The following FNDC3A variants were observed in gnomAD, a reference collection of about 807,000 sequenced individuals.
The protein encoded by FNDC3A is fibronectin type-III domain-containing protein 3A.
Under a neutral mutation model 148.9 loss-of-function variants are expected in FNDC3A, and 32 were observed. The ratio of observed to expected loss-of-function variants is 0.21; its 90% CI spans 0.16 to 0.29. The LOEUF is 0.29. FNDC3A is among the 10% of genes least tolerant of loss of function. The pLI is 1.00. For missense variants in FNDC3A, 1,191 were observed against 1,452.8 expected (o/e 0.82, Z 2.93); for synonymous variants, 472 against 473.6 (o/e 1.00, Z 0.04).
intron 1 of FNDC3A, among the ~76,000 whole-genome samples, chr13:49,001,177 A>G (rs1328567799): frequency 6.6e-6 from 1 of 152,242 alleles, no homozygotes; most frequent in Non-Finnish European, 1.5e-5. Flanking sequence ...CCAAATTAAT[A>G]CTTTTATAAT....
intron 8 of FNDC3A, among the ~76,000 whole-genome samples, chr13:49,166,058 A>C (rs1288107545): frequency 1.3e-5 from 2 of 152,152 alleles, no homozygotes; most frequent in East Asian, 3.9e-4. Flanking sequence ...TGTAGGTGCT[A>C]ACTGTGTTGG....
chr13:48,985,920 C>A (rs1355164592), intron 1 of FNDC3A, among the ~76,000 whole-genome samples: 1 of 152,188 alleles, frequency 6.6e-6, no homozygotes, highest in African/African-American at 2.4e-5. Context: ...ATGATTGGTC[C>A]TGATTAGGAC....
chr13:49,178,767 C>T, intron 14 of FNDC3A, 113 bp downstream of exon 14: 1 of 599,594 alleles, frequency 1.7e-6, no homozygotes, highest in Non-Finnish European at 2.8e-6. Context: ...CGGGCTCTTA[C>T]TCTGTCACCC....
At chr13:49,085,626 G>T (rs1194380242) in intron 3 of FNDC3A, among the ~76,000 whole-genome samples, 2 of 152,136 alleles carry the variant, frequency 1.3e-5, no homozygotes, top group Non-Finnish European at 2.9e-5. Flanking sequence ...TACTATAACA[G>T]TAGGCATGAG....
intron 1 of FNDC3A, among the ~76,000 whole-genome samples, chr13:48,988,844 C>CAA (rs111401139): frequency 3.6e-5 from 3 of 83,522 alleles, no homozygotes; most frequent in Admixed American, 1.3e-4. Context: ...GAACTTGTCT[C>CAA]AAAAAAAAAA....
At chr13:49,002,964 A>T (rs192376982) in intron 1 of FNDC3A, among the ~76,000 whole-genome samples, 1 of 152,298 alleles carries the variant, frequency 6.6e-6, no homozygotes, top group Non-Finnish European at 1.5e-5. Context: ...GATAATGTCA[A>T]ACTTTTCCTA....
Position 49,045,714 on chromosome 13 carries a change from T to A in FNDC3A, c.100-29575T>A, listed in dbSNP as rs74075847. 2.9e-3 allele frequency: 3,343 copies of A among 1,151,574 alleles called. 89 individuals carry two copies. In the African/African-American group the frequency reaches 0.05, roughly 17 times the overall value. The allele number at this position is 1,151,574 out of a possible 1,614,324, so 71.3% of individuals were successfully genotyped here. A position where few individuals can be genotyped will look rare whatever the true frequency, so the allele number is the denominator to read the frequency against. On this transcript the variant is annotated intron_variant, in intron 2 of 25. Coordinates refer to ENST00000492622, the MANE Select transcript of FNDC3A (RefSeq NM_001079673.2). ...TTTGCCACCAATAGCTTGGACCTCTTGATTTTCAAAAACCCTGTCAGGATG... is the reference window on the plus strand; with the variant it reads ...TTTGCCACCAATAGCTTGGACCTCTAGATTTTCAAAAACCCTGTCAGGATG...
At chr13:49,079,634 C>T (rs1250333862) in intron 3 of FNDC3A, among the ~76,000 whole-genome samples, 7 of 152,160 alleles carry the variant, frequency 4.6e-5, no homozygotes, top group Admixed American at 4.6e-4. Flanking sequence ...TATGTGGTAC[C>T]TGTTGAACCA....
At chr13:49,028,865 T>C (rs1052117977) in intron 2 of FNDC3A, among the ~76,000 whole-genome samples, 4 of 152,220 alleles carry the variant, frequency 2.6e-5, no homozygotes, top group Middle Eastern at 3.2e-3. Flanking sequence ...GATAGACATC[T>C]GTAGAACATT....
intron 8 of FNDC3A, among the ~76,000 whole-genome samples, chr13:49,164,966 T>C (rs1446291031): frequency 6.6e-6 from 1 of 152,254 alleles, no homozygotes; most frequent in Admixed American, 6.5e-5. Context: ...TGCTTTTGAA[T>C]GTGTTTTGTA....
intron 3 of FNDC3A, chr13:49,110,462 A>T: frequency 8.6e-7 from 1 of 1,167,980 alleles, no homozygotes; most frequent in South Asian, 1.2e-5. Context: ...AAAGCATTGT[A>T]TTAATCTAAA....
intron 3 of FNDC3A, among the ~76,000 whole-genome samples, chr13:49,104,978 A>G (rs1461135016): frequency 1.3e-5 from 2 of 152,224 alleles, no homozygotes; most frequent in Non-Finnish European, 2.9e-5. Flanking sequence ...TTGGTACATC[A>G]TAAAATATAT....
chr13:49,159,420 G>A (rs1883943172), intron 8 of FNDC3A, among the ~76,000 whole-genome samples: 1 of 152,114 alleles, frequency 6.6e-6, no homozygotes, highest in Non-Finnish European at 1.5e-5. Context: ...GGCTCTGTTT[G>A]TCTGTTATTG....
intron 2 of FNDC3A, among the ~76,000 whole-genome samples, chr13:49,050,363 G>T (rs185559156): frequency 4.6e-5 from 7 of 152,298 alleles, no homozygotes; most frequent in African/African-American, 1.7e-4. Context: ...TCAGTTCAAA[G>T]AAGTTTTTAA....
chr13:49,168,845 C>T (rs967467195), intron 10 of FNDC3A, 94 bp downstream of exon 10: 1 of 1,163,850 alleles, frequency 8.6e-7, no homozygotes, highest in Non-Finnish European at 1.2e-6. Flanking sequence ...AGACAAAGAG[C>T]TTTAATTTGT....
chr13:48,987,967 T>G (rs556553322), intron 1 of FNDC3A: 1 of 152,330 alleles, frequency 6.6e-6, no homozygotes, highest in South Asian at 2.1e-4. Context: ...AAGATTAGCA[T>G]GGCCCCTGTG....
intron 8 of FNDC3A, among the ~76,000 whole-genome samples, chr13:49,156,343 C>A (rs1249945419): frequency 1.3e-5 from 2 of 149,734 alleles, no homozygotes; most frequent in Non-Finnish European, 3.0e-5. Flanking sequence ...GGATTGCAAC[C>A]TCTGCCTTTT....
At chr13:49,084,997 T>C (rs1878713848) in intron 3 of FNDC3A, among the ~76,000 whole-genome samples, 1 of 152,088 alleles carries the variant, frequency 6.6e-6, no homozygotes, top group South Asian at 2.1e-4. Flanking sequence ...GCTTTTCTAC[T>C]CTCACCTCAT....
intron 15 of FNDC3A, among the ~76,000 whole-genome samples, chr13:49,186,913 A>G (rs1227064827): frequency 6.6e-6 from 1 of 152,206 alleles, no homozygotes; most frequent in Non-Finnish European, 1.5e-5. Context: ...TGCAGCCATT[A>G]AAAATTGTTA....
Sources: gnomAD v4.1 joint callset for allele counts (sites outside exome capture counted in the v4.1 genomes callset) on GRCh38, gnomAD v4.1.1 for gene constraint, MANE v1.5 for transcripts, NCBI Gene and HGNC (gene_info 2026-07-23, HGNC 2026-07-21) for gene names.